STYXL2: variants seen among roughly 807,000 people sequenced by gnomAD.
The protein encoded by STYXL2 is serine/threonine/tyrosine interacting like 2, also known as serine/threonine/tyrosine-interacting-like protein 2.
In STYXL2, 44 loss-of-function variants were observed where a neutral mutation model predicts 52.4. The observed-to-expected ratio is 0.84, with a 90% confidence interval of 0.66 to 1.08. STYXL2 has a LOEUF of 1.08. STYXL2 is among the 50% of genes least tolerant of loss of function. STYXL2 has a pLI of 0.00. For synonymous variants in STYXL2, 604 were observed against 586.9 expected (o/e 1.03, Z -0.42); for missense variants, 1,604 against 1,471.7 (o/e 1.09, Z -1.47).
At position 167,128,385 on chromosome 1, in the gene STYXL2, A is replaced by G. The variant is rs1208888773; in HGVS notation, c.3254A>G (p.Lys1085Arg). 2 of 1,614,160 alleles carry G rather than the reference A, an allele frequency of 1.2e-6. No individual in the cohort carries two copies. The highest frequency in any genetic ancestry group is 1.7e-6 in the Non-Finnish European group (2 of 1,180,012). Residue 1085 changes from lysine (K) to arginine (R), a missense_variant, in exon 6 of 6, where the codon AAG becomes AGG. By Grantham distance (26) the Lys-to-Arg change is conservative. Coordinates refer to ENST00000361200, the MANE Select transcript of STYXL2 (RefSeq NM_001080426.3). ...TCAGACTTCTCTGAATTTGGAGCCA[A>G]GAGGAAGTTCACCCAGAGCTTTATG... ...SKSDFSEFGAKRKFTQSFMRS... is the reference protein window; with the variant it reads ...SKSDFSEFGARRKFTQSFMRS...
At chr1:167,114,466 A>G (rs950303) in intron 3 of STYXL2, among the ~76,000 whole-genome samples, 99,588 of 152,078 alleles carry the variant, frequency 0.65, 33,957 homozygotes, top group East Asian at 0.9. Context: ...AGTGGGATAA[A>G]GTGCACACTG....
At position 167,094,908 on chromosome 1, in the gene STYXL2, C is replaced by A. The variant is rs1667250533; in HGVS notation, c.59C>A (p.Ala20Asp). Residue 20 changes from alanine (A) to aspartate (D), a missense_variant, in exon 2 of 6, where the codon GCC (alanine) becomes GAC (aspartate). Transcript: ENST00000361200. Reference sequence around the variant, plus strand: ...GTAGTCCCAAGCGAGGAGGACGAAGCCAACGTGAGGGCGGTGCAGGCCCAC... The same window carrying A: ...GTAGTCCCAAGCGAGGAGGACGAAGACAACGTGAGGGCGGTGCAGGCCCAC... ...EQVVPSEEDE[A>D]NVRAVQAHYL... 1.2e-6 allele frequency: 2 copies of A among 1,612,988 alleles called. No individual in the cohort carries two copies. Among genetic ancestry groups the A allele is most frequent in the Non-Finnish European group, 1.7e-6 (2 of 1,179,740 alleles).
At position 167,127,473 on chromosome 1, in the gene STYXL2, G is replaced by T; in HGVS notation, c.2342G>T (p.Gly781Val). ...LSGHSSSSLG[G>V]CLLPQSQARP... ...GGACACAGCAGCTCCTCCTTGGGTG[G>T]CTGCCTGTTGCCTCAGAGCCAGGCA... is the stretch of plus-strand genomic sequence containing the variant. Residue 781 changes from glycine to valine, a missense_variant, in exon 6 of 6, where the codon GGC becomes GTC. Physicochemically the swap from Gly to Val is moderately radical, Grantham distance 109. Coordinates refer to ENST00000361200, the MANE Select transcript of STYXL2 (RefSeq NM_001080426.3). 1 of 1,614,084 alleles carries T rather than the reference G, an allele frequency of 6.2e-7. No individual in the cohort carries two copies. Among genetic ancestry groups the T allele is most frequent in the Middle Eastern group, 1.6e-4 (1 of 6,062 alleles).
chr1:167,094,895 G>A lies in STYXL2; in HGVS notation c.46G>A (p.Glu16Lys), dbSNP rs779308775. 2.3e-5 allele frequency: 37 copies of A among 1,613,336 alleles called. No homozygotes were observed. Among genetic ancestry groups the A allele is most frequent in the Admixed American group, 8.3e-5 (5 of 59,930 alleles). ...AGAGGAGGAGCAGGTAGTCCCAAGC[G>A]AGGAGGACGAAGCCAACGTGAGGGC... is the stretch of plus-strand genomic sequence containing the variant. ...DTEEEQVVPS[E>K]EDEANVRAVQ... The change falls in exon 2 of 6, where the codon GAG becomes AAG. Residue 16 changes from glutamate (E) to lysine (K), a missense_variant. Transcript: ENST00000361200.
At chr1:167,114,043 T>C (rs555698652) in intron 3 of STYXL2, among the ~76,000 whole-genome samples, 32 of 152,306 alleles carry the variant, frequency 2.1e-4, no homozygotes, top group African/African-American at 5.3e-4. Context: ...AATCTGTCCC[T>C]AGGGCCTCCT....
rs1211215448 is a variant in STYXL2 at position 167,111,513 on chromosome 1, T to TATATATATACAC, written c.111-2196_111-2195insTATATATACACA. Among the ~76,000 whole-genome samples the TATATATATACAC allele has an allele frequency of 1.0e-3, 51 of 50,050 alleles. 2 individuals are homozygous for TATATATATACAC. Among genetic ancestry groups the TATATATATACAC allele is most frequent in the African/African-American group, 2.9e-3 (24 of 8,186 alleles). 32.8% of individuals were successfully genotyped at this position (50,050 alleles called of 152,430 possible). A position where few individuals can be genotyped will look rare whatever the true frequency, so the allele number is the denominator to read the frequency against. On this transcript the variant is annotated intron_variant, in intron 2 of 5. Coordinates refer to ENST00000361200, the MANE Select transcript of STYXL2 (RefSeq NM_001080426.3). ...ATATATATATATATATATATATATATACACACACACACACACAAATATATA... is the reference window on the plus strand; with the variant it reads ...ATATATATATATATATATATATATATATATATATACACACACACACACACACACAAATATATA...
chr1:167,118,067 G>A (rs1667766760), intron 4 of STYXL2, among the ~76,000 whole-genome samples: 1 of 152,196 alleles, frequency 6.6e-6, no homozygotes, highest in Non-Finnish European at 1.5e-5. Context: ...ACAACAGTTA[G>A]GAAATGTGAG....
At chr1:167,113,847 A>G in intron 3 of STYXL2, 43 bp downstream of exon 3, 2 of 1,468,698 alleles carry the variant, frequency 1.4e-6, no homozygotes, top group Non-Finnish European at 1.9e-6. Flanking sequence ...TCCAGTGGTC[A>G]TCTGGAGACC....
At chr1:167,119,820 G>T (rs564153236) in intron 5 of STYXL2, among the ~76,000 whole-genome samples, 1 of 152,330 alleles carries the variant, frequency 6.6e-6, no homozygotes, top group African/African-American at 2.4e-5. Context: ...TAGAGTGACT[G>T]ACTAGCTCCT....
chr1:167,126,374 G>C lies in STYXL2; in HGVS notation c.1243G>C (p.Glu415Gln), dbSNP rs900930229. 3 of 1,548,396 alleles carry C rather than the reference G, an allele frequency of 1.9e-6. No homozygotes were observed. Among genetic ancestry groups the C allele is most frequent in the Middle Eastern group, 1.7e-4 (1 of 5,918 alleles). The change falls in exon 6 of 6, where the codon GAG becomes CAG. Residue 415 changes from glutamate (E) to glutamine (Q), a missense_variant. Coordinates refer to ENST00000361200, the MANE Select transcript of STYXL2 (RefSeq NM_001080426.3). ...AEGYRRWGRE[E>Q]EKEEESDAGS... Reference sequence around the variant, plus strand: ...AGGGTACCGGAGGTGGGGAAGGGAGGAGGAGAAGGAGGAGGAGAGCGACGC... The same window carrying C: ...AGGGTACCGGAGGTGGGGAAGGGAGCAGGAGAAGGAGGAGGAGAGCGACGC...
chr1:167,098,913 C>CTTCTGCTG (rs1667345607), intron 2 of STYXL2, among the ~76,000 whole-genome samples: 1 of 152,182 alleles, frequency 6.6e-6, no homozygotes, highest in Admixed American at 6.5e-5. Context: ...CATAGCACCA[C>CTTCTGCTG]TTCTGCTGTA....
chr1:167,103,143 G>A (rs549358499), intron 2 of STYXL2, among the ~76,000 whole-genome samples: 270 of 152,240 alleles, frequency 1.8e-3, no homozygotes, highest in African/African-American at 5.9e-3. Context: ...TCAAAAGGCC[G>A]TCTGCTCTGT....
intron 2 of STYXL2, among the ~76,000 whole-genome samples, chr1:167,103,269 A>G (rs1022843899): frequency 6.6e-6 from 1 of 152,142 alleles, no homozygotes; most frequent in African/African-American, 2.4e-5. Context: ...TTTTCCAAAA[A>G]AGATTACATT....
At chr1:167,104,287 T>G (rs1221343273) in intron 2 of STYXL2, among the ~76,000 whole-genome samples, 1 of 152,156 alleles carries the variant, frequency 6.6e-6, no homozygotes, top group African/African-American at 2.4e-5. Flanking sequence ...TGGTTTCTAC[T>G]TGACTTTATA....
chr1:167,117,370 G>A lies in STYXL2; in HGVS notation c.248G>A (p.Gly83Asp), dbSNP rs752761956. The A allele has an allele frequency of 4.3e-6, 7 of 1,612,250 alleles. No homozygotes were observed. Among genetic ancestry groups the A allele is most frequent in the South Asian group, 2.2e-5 (2 of 90,508 alleles). ...GTCAGAGCAGACGCAGAGTGTCCAG[G>A]CATGCTGGAGTCTGCTGAACAGCTG... ...PGVRADAECP[G>D]MLESAEQLLV... Residue 83 changes from glycine (G) to aspartate (D), a missense_variant, in exon 4 of 6, where the codon GGC (glycine) becomes GAC (aspartate). Gly to Asp is a moderately conservative substitution (Grantham distance 94). Transcript: ENST00000361200.
At chr1:167,108,708 T>C (rs145512994) in intron 2 of STYXL2, among the ~76,000 whole-genome samples, 184 of 152,264 alleles carry the variant, frequency 1.2e-3, no homozygotes, top group African/African-American at 4.2e-3. Flanking sequence ...CAGAACAGCA[T>C]ATAGAGACTC....
chr1:167,104,317 G>T (rs1472730429), intron 2 of STYXL2, among the ~76,000 whole-genome samples: 1 of 152,002 alleles, frequency 6.6e-6, no homozygotes. Context: ...GTCAAAATCC[G>T]TTCCTTGCTT....
intron 2 of STYXL2, among the ~76,000 whole-genome samples, chr1:167,111,109 T>C (rs1327883931): frequency 2.6e-5 from 4 of 152,140 alleles, no homozygotes; most frequent in Non-Finnish European, 5.9e-5. Context: ...TAGAATTATG[T>C]TAAATGACCA....
At chr1:167,103,838 A>G (rs1327588810) in intron 2 of STYXL2, among the ~76,000 whole-genome samples, 1 of 152,152 alleles carries the variant, frequency 6.6e-6, no homozygotes, top group Non-Finnish European at 1.5e-5. Flanking sequence ...AAGTAAGTGC[A>G]CAGCCGGGCG....
Sources: allele counts gnomAD v4.1 joint callset (sites outside exome capture counted in the v4.1 genomes callset), GRCh38; gene constraint gnomAD v4.1.1; transcripts MANE v1.5; gene names NCBI Gene and HGNC (gene_info 2026-07-23, HGNC 2026-07-21).